The following GRK7 variants were observed in gnomAD, a reference collection of about 807,000 sequenced individuals.
GRK7 encodes G protein-coupled receptor kinase 7, also known as rhodopsin kinase GRK7.
GRK7 carries 24 observed loss-of-function variants against 34.1 expected under a neutral mutation model. The observed-to-expected ratio is 0.70, with a 90% CI of 0.51 to 0.99. The LOEUF (loss-of-function observed/expected upper bound fraction) is 0.99. Among genes scored for constraint, GRK7 ranks in the 50% least tolerant of loss-of-function variants. The probability of loss-of-function intolerance (pLI) is 0.00; values close to 1 mark genes in which losing one functional copy is unlikely to be tolerated. For missense variants in GRK7, 644 were observed against 707.3 expected (o/e 0.91, Z 1.02); for synonymous variants, 256 against 279.4 (o/e 0.92, Z 0.84).
At position 141,818,811 on chromosome 3, in the gene GRK7, T is replaced by C. The variant is rs530294336; in HGVS notation, c.*1761T>C. On this transcript the variant is annotated 3_prime_UTR_variant, in exon 6 of 6. Transcript: ENST00000682958. Reference sequence around the variant, plus strand: ...GCTGCAAAAGTGCCGGTCAAAAAAATGTTGGTTAACTGGAATCTGAATAAC... The same window carrying C: ...GCTGCAAAAGTGCCGGTCAAAAAAACGTTGGTTAACTGGAATCTGAATAAC... Among the ~76,000 whole-genome samples, 2 of 152,310 alleles carry C rather than the reference T, an allele frequency of 1.3e-5. No individual in the cohort carries two copies. Among genetic ancestry groups the C allele is most frequent in the Non-Finnish European group, 2.9e-5 (2 of 68,018 alleles).
At chr3:141,752,062 G>A in the GRK7 span, among the ~76,000 whole-genome samples, 1 of 152,164 alleles carries the variant, frequency 6.6e-6, no homozygotes, top group South Asian at 2.1e-4. Context: ...AAGGAAAGTA[G>A]TATATGTTTT....
chr3:141,778,436 A>G lies in GRK7; in HGVS notation c.152A>G (p.Lys51Arg). The G allele has an allele frequency of 6.2e-7, 1 of 1,613,010 alleles. No homozygotes were observed. Among genetic ancestry groups the G allele is most frequent in the Non-Finnish European group, 8.5e-7 (1 of 1,179,870 alleles). Reference sequence around the variant, plus strand: ...CAGGGCTGCGCGGAGCTCCGCCAGAAGCTGTCCCTGAACTTCCACAGCCTG... The same window carrying G: ...CAGGGCTGCGCGGAGCTCCGCCAGAGGCTGTCCCTGAACTTCCACAGCCTG... ...GLQGCAELRQ[K>R]LSLNFHSLCE... Residue 51 changes from lysine to arginine, a missense_variant, in exon 3 of 6, where the codon AAG becomes AGG. Physicochemically the swap from Lys to Arg is conservative, Grantham distance 26. Coordinates refer to ENST00000682958, the MANE Select transcript of GRK7 (RefSeq NM_139209.3). The surrounding 1 kb of genome is among the most constrained non-coding windows in gnomAD (Gnocchi z 4.1).
At position 141,778,197 on chromosome 3, in the gene GRK7, T is replaced by C. The variant is rs968794698; in HGVS notation, c.-88T>C. ...GCCACAGGACTCACTGTAAATCCCT[T>C]GGACGTTGTCTCACCCGGGAAGGGA... is the stretch of plus-strand genomic sequence containing the variant. On this transcript the variant is annotated 5_prime_UTR_variant, in exon 3 of 6. Coordinates refer to ENST00000682958, the MANE Select transcript of GRK7 (RefSeq NM_139209.3). This position sits in a 1 kb window ranked among gnomAD's most constrained non-coding sequence, Gnocchi z 4.1. 3 of 1,481,554 alleles carry C rather than the reference T, an allele frequency of 2.0e-6. No individual in the cohort carries two copies. The highest frequency in any genetic ancestry group is 1.4e-5 in the African/African-American group (1 of 71,032). The allele number at this position is 1,481,554 out of a possible 1,614,324, so 91.8% of individuals were successfully genotyped here. A position where few individuals can be genotyped will look rare whatever the true frequency, so the allele number is the denominator to read the frequency against.
intron 4 of GRK7, among the ~76,000 whole-genome samples, chr3:141,791,270 T>C (rs144136668): frequency 1.6e-4 from 25 of 152,344 alleles, no homozygotes; most frequent in African/African-American, 5.3e-4. Context: ...AGAGACATAC[T>C]GGAAAGGTGA....
rs1217029656 is a variant in GRK7, at chr3:141,818,317, C to A, written c.*1267C>A. On this transcript the variant is annotated 3_prime_UTR_variant, in exon 6 of 6. Coordinates refer to ENST00000682958, the MANE Select transcript of GRK7 (RefSeq NM_139209.3). The stretch of plus-strand genomic sequence containing the variant: ...CAACATGTTGTAAACCCCGTCTCTA[C>A]TAAAAATACAAAAATTAGCCCGGTG... 6.6e-6 allele frequency: 1 copy of A among 152,120 alleles called. No individual in the cohort carries two copies. Among genetic ancestry groups the A allele is most frequent in the African/African-American group, 2.4e-5 (1 of 41,410 alleles). The allele number at this position is 152,120 out of a possible 1,614,324, so 9.4% of individuals were successfully genotyped here. A position where few individuals can be genotyped will look rare whatever the true frequency, so the allele number is the denominator to read the frequency against.
the GRK7 span, among the ~76,000 whole-genome samples, chr3:141,755,449 TGGTC>T: frequency 1.2e-4 from 19 of 152,228 alleles, no homozygotes; most frequent in Admixed American, 5.2e-4. Context: ...CTTAAGAATG[TGGTC>T]GGTCAACAGA....
At chr3:141,808,031 A>AT in intron 5 of GRK7, 112 bp downstream of exon 5, 4 of 961,662 alleles carry the variant, frequency 4.2e-6, no homozygotes, top group Non-Finnish European at 5.9e-6. Flanking sequence ...TGATTTTCTT[A>AT]TTTTTATTTG....
chr3:141,796,943 CA>C (rs1303683133), intron 4 of GRK7, among the ~76,000 whole-genome samples: 1 of 152,136 alleles, frequency 6.6e-6, no homozygotes, highest in Non-Finnish European at 1.5e-5. Context: ...GGTCGACACC[CA>C]ATCTGTTTTA....
chr3:141,781,621 A>G (rs1167160640), intron 4 of GRK7, among the ~76,000 whole-genome samples: 5 of 152,206 alleles, frequency 3.3e-5, no homozygotes, highest in Non-Finnish European at 5.9e-5. Flanking sequence ...CACCTAGAAC[A>G]TTAAAAGTAA....
Position 141,778,516 on chromosome 3 carries a change from C to T in GRK7, c.232C>T (p.Pro78Ser), listed in dbSNP as rs778452393. 1.9e-6 allele frequency: 3 copies of T among 1,613,258 alleles called. No homozygotes were observed. Among genetic ancestry groups the T allele is most frequent in the South Asian group, 2.2e-5 (2 of 91,080 alleles). The stretch of plus-strand genomic sequence containing the variant: ...CTTCCGTGACTTCCTAGCCACAGTG[C>T]CCACGTTCCGCAAGGCGGCAACCTT... ...RLFRDFLATV[P>S]TFRKAATFLE... Residue 78 changes from proline to serine, a missense_variant, in exon 3 of 6, where the codon CCC becomes TCC. Transcript: ENST00000682958. This position sits in a 1 kb window ranked among gnomAD's most constrained non-coding sequence, Gnocchi z 4.1.
intron 5 of GRK7, among the ~76,000 whole-genome samples, chr3:141,809,197 G>A (rs1459331704): frequency 3.3e-5 from 5 of 151,912 alleles, no homozygotes; most frequent in South Asian, 2.1e-4. Context: ...GCAAGACTTC[G>A]TCTCAAAATA....
At chr3:141,789,497 C>G (rs1220653433) in intron 4 of GRK7, among the ~76,000 whole-genome samples, 1 of 152,164 alleles carries the variant, frequency 6.6e-6, no homozygotes, top group African/African-American at 2.4e-5. Context: ...GGTCACATGT[C>G]CAACCACAAC....
Position 141,763,477 on chromosome 3 carries a change from C to T in GRK7, c.-2476C>T, listed in dbSNP as rs1358887253. ...CTGGGGGGCCTCAGATCAGCCCAACCCTCTGCCAGCTCCACCTTCACAGAC... is the reference window on the plus strand; with the variant it reads ...CTGGGGGGCCTCAGATCAGCCCAACTCTCTGCCAGCTCCACCTTCACAGAC... On this transcript the variant is annotated 5_prime_UTR_variant, in exon 1 of 6. Coordinates refer to ENST00000682958, the MANE Select transcript of GRK7 (RefSeq NM_139209.3). Among the ~76,000 whole-genome samples the T allele has an allele frequency of 5.9e-5, 9 of 152,168 alleles. No individual in the cohort carries two copies. Among genetic ancestry groups the T allele is most frequent in the Non-Finnish European group, 8.8e-5 (6 of 68,026 alleles).
the GRK7 span, among the ~76,000 whole-genome samples, chr3:141,756,077 C>T: frequency 2.0e-5 from 3 of 151,256 alleles, no homozygotes; most frequent in African/African-American, 2.4e-5. Context: ...TTTGCGAGGC[C>T]GAGGTGAGCA....
intron 3 of GRK7, among the ~76,000 whole-genome samples, chr3:141,779,802 T>C (rs1219765946): frequency 6.6e-6 from 1 of 152,244 alleles, no homozygotes; most frequent in Non-Finnish European, 1.5e-5. Flanking sequence ...CTTTCACTCA[T>C]TAGAATGTTT....
At chr3:141,753,088 A>G in the GRK7 span, among the ~76,000 whole-genome samples, 1 of 152,320 alleles carries the variant, frequency 6.6e-6, no homozygotes, top group East Asian at 1.9e-4. Flanking sequence ...CTAAGATGAC[A>G]CTGGTGGAAG....
chr3:141,809,361 A>AT (rs1711069990), intron 5 of GRK7, among the ~76,000 whole-genome samples: 1 of 152,160 alleles, frequency 6.6e-6, no homozygotes, highest in Non-Finnish European at 1.5e-5. Context: ...AACTGTTAAA[A>AT]TTGAAGCCAA....
chr3:141,774,691 CT>C lies in GRK7; in HGVS notation c.-114+14del. Among the ~76,000 whole-genome samples, 1 of 152,004 alleles carries C rather than the reference CT, an allele frequency of 6.6e-6. No homozygotes were observed. Among genetic ancestry groups the C allele is most frequent in the Middle Eastern group, 3.4e-3 (1 of 292 alleles). ...TCACTGTATTGTCAGGTGAGCAAAACTTTAAAAATAATGGTAGGTACCATAT... is the reference window on the plus strand; with the variant it reads ...TCACTGTATTGTCAGGTGAGCAAAACTTAAAAATAATGGTAGGTACCATAT... On this transcript the variant is annotated intron_variant, in intron 2 of 5. Coordinates refer to ENST00000682958, the MANE Select transcript of GRK7 (RefSeq NM_139209.3).
chr3:141,757,310 C>A, the GRK7 span, among the ~76,000 whole-genome samples: 5 of 151,230 alleles, frequency 3.3e-5, no homozygotes, highest in East Asian at 9.7e-4. Flanking sequence ...CCGCTCCCCC[C>A]ACCCCACCAC....
Sources: allele counts gnomAD v4.1 joint callset (sites outside exome capture counted in the v4.1 genomes callset), GRCh38; gene constraint gnomAD v4.1.1; non-coding constraint Gnocchi (gnomAD v3.1); transcripts MANE v1.5; gene names NCBI Gene and HGNC (gene_info 2026-07-23, HGNC 2026-07-21).